The following CIT variants were observed in gnomAD, a reference collection of about 807,000 sequenced individuals.
CIT encodes citron Rho-interacting kinase.
CIT carries 79 observed loss-of-function variants against 272.7 expected under a neutral mutation model. The ratio of observed to expected loss-of-function variants is 0.29; its 90% CI spans 0.24 to 0.35. CIT has a LOEUF of 0.35. Ranked by LOEUF, CIT falls within the 10% of genes least tolerant of loss-of-function variation. CIT has a pLI of 1.00. For missense variants in CIT, 1,909 were observed against 2,618.3 expected (o/e 0.73, Z 5.91); for synonymous variants, 948 against 995.6 (o/e 0.95, Z 0.90).
intron 5 of CIT, among the ~76,000 whole-genome samples, chr12:119,836,277 C>T (rs145168415): frequency 0.016 from 1,679 of 107,312 alleles, 21 homozygotes; most frequent in Non-Finnish European, 0.016. Context: ...CAGAGCGAGA[C>T]TCCATCTAAA....
chr12:119,800,110 TG>T (rs1966064829), intron 10 of CIT, among the ~76,000 whole-genome samples: 1 of 152,142 alleles, frequency 6.6e-6, no homozygotes, highest in Non-Finnish European at 1.5e-5. Context: ...AACTTTAACA[TG>T]CTGTTTCCTG....
rs554466317 is a variant in CIT, at chr12:119,713,874, C to T, written c.4307-226G>A. On this transcript the variant is annotated intron_variant, in intron 33 of 47. Transcript: ENST00000392521. This position sits in a 1 kb window ranked among gnomAD's most constrained non-coding sequence, Gnocchi z 5.2. ...CAGTTTTCCAGGCTTCAATCCAGAC[C>T]GCCCACAAACAGGTGTGTAAAGAAC... The T allele has an allele frequency of 3.1e-5, 19 of 612,554 alleles. No homozygotes were observed. Among genetic ancestry groups the T allele is most frequent in the East Asian group, 3.0e-4 (11 of 36,226 alleles). 37.9% of individuals were successfully genotyped at this position (612,554 alleles called of 1,614,324 possible).
At chr12:119,862,942 C>T (rs1950401970) in intron 3 of CIT, among the ~76,000 whole-genome samples, 1 of 146,232 alleles carries the variant, frequency 6.8e-6, no homozygotes, top group Non-Finnish European at 1.5e-5. Flanking sequence ...TGACTCACAC[C>T]TGTAATCTCA....
intron 10 of CIT, among the ~76,000 whole-genome samples, chr12:119,785,952 T>C (rs1964753847): frequency 6.6e-6 from 1 of 152,132 alleles, no homozygotes; most frequent in African/African-American, 2.4e-5. Flanking sequence ...AAGTTTGTGG[T>C]CATTTGTTAC....
intron 22 of CIT, among the ~76,000 whole-genome samples, chr12:119,756,053 A>G (rs1461496541): frequency 6.6e-6 from 1 of 152,172 alleles, no homozygotes; most frequent in Admixed American, 6.5e-5. Context: ...AGGACCCTAT[A>G]AAGGAGATAC....
In CIT at chr12:119,775,853, C is replaced by G; in HGVS notation, c.1888-14G>C. 6.2e-7 allele frequency: 1 copy of G among 1,609,028 alleles called. No individual in the cohort carries two copies. The highest frequency in any genetic ancestry group is 8.5e-7 in the Non-Finnish European group (1 of 1,176,786). ...CTCAGCATTGATCTATAATTAAAATCCCAGGAAATAAAGCAAAAGGCAAAT... is the reference window on the plus strand; with the variant it reads ...CTCAGCATTGATCTATAATTAAAATGCCAGGAAATAAAGCAAAAGGCAAAT... On this transcript the variant is annotated splice_polypyrimidine_tract_variant and intron_variant, in intron 15 of 47. Transcript: ENST00000392521.
rs2285596 is a variant in CIT at position 119,761,120 on chromosome 12, G to A, written c.2305-65C>T. ...AAGCTGAGGAGGGAAGACTAAACGG[G>A]GACACTTGAGAAAATCTAGGAAAGA... On this transcript the variant is annotated intron_variant, in intron 19 of 47. Coordinates refer to ENST00000392521, the MANE Select transcript of CIT (RefSeq NM_001206999.2). 12 of 1,137,500 alleles carry A rather than the reference G, an allele frequency of 1.1e-5. No individual in the cohort carries two copies. In the South Asian group the frequency reaches 1.2e-4, roughly 12 times the overall value. The allele number at this position is 1,137,500 out of a possible 1,614,324, so 70.5% of individuals were successfully genotyped here. A position where few individuals can be genotyped will look rare whatever the true frequency, so the allele number is the denominator to read the frequency against.
intron 10 of CIT, among the ~76,000 whole-genome samples, chr12:119,789,401 T>C (rs975759103): frequency 3.9e-5 from 6 of 152,216 alleles, no homozygotes; most frequent in Non-Finnish European, 7.3e-5. Flanking sequence ...TGGTGGGCTA[T>C]GAATTTCAAA....
intron 5 of CIT, among the ~76,000 whole-genome samples, chr12:119,840,229 G>T (rs1969316800): frequency 1.3e-5 from 2 of 152,154 alleles, no homozygotes; most frequent in Admixed American, 6.5e-5. Flanking sequence ...GAGGTGGGAG[G>T]ACGGCTTGAG....
chr12:119,704,511 G>A, intron 40 of CIT, 56 bp from the exon 41 acceptor site: 1 of 1,469,380 alleles, frequency 6.8e-7, no homozygotes, highest in South Asian at 1.1e-5. Flanking sequence ...CCGGCTGTGG[G>A]GCAAAACTAG....
chr12:119,689,666 C>CTTCT (rs1955808058), intron 47 of CIT, among the ~76,000 whole-genome samples: 1 of 75,078 alleles, frequency 1.3e-5, no homozygotes, highest in South Asian at 6.8e-4. Context: ...TTAGGAAGCT[C>CTTCT]TTTTTTTTTT....
chr12:119,794,821 T>C (rs901142700), intron 10 of CIT, among the ~76,000 whole-genome samples: 3 of 152,164 alleles, frequency 2.0e-5, no homozygotes, highest in Non-Finnish European at 4.4e-5. Context: ...CATTAACAAA[T>C]ATGAAATGAA....
intron 40 of CIT, among the ~76,000 whole-genome samples, chr12:119,706,081 C>T (rs1385884486): frequency 7.0e-6 from 1 of 142,900 alleles, no homozygotes; most frequent in Admixed American, 6.9e-5. Context: ...CAGAGCAAGA[C>T]TCTGTGTCAA....
intron 12 of CIT, 184 bp from the exon 13 acceptor site, chr12:119,782,821 A>C (rs1353779930): frequency 6.7e-6 from 4 of 595,244 alleles, no homozygotes; most frequent in Non-Finnish European, 1.1e-5. Context: ...TTGGTTCAAG[A>C]AACATCATCT....
chr12:119,750,174 A>G lies in CIT; in HGVS notation c.2904+1876T>C, dbSNP rs140159840. On this transcript the variant is annotated intron_variant, in intron 23 of 47. Transcript: ENST00000392521. ...GTACAGGAGGAAAATATTAATATAC[A>G]TTGCGTTAAATATAATAGTGGTTGA... is the stretch of plus-strand genomic sequence containing the variant. Among the ~76,000 whole-genome samples, 309 of 152,320 alleles carry G rather than the reference A, an allele frequency of 2.0e-3. 1 individual carries two copies. The highest frequency in any genetic ancestry group is 6.9e-3 in the African/African-American group (286 of 41,554).
In CIT at chr12:119,712,101, G is replaced by T; in HGVS notation, c.4854+77C>A. ...TGAGGGGAATCAAAATGGCCAATGG[G>T]ATTCTCGTCGTTAACACCAGTTACC... is the stretch of plus-strand genomic sequence containing the variant. On this transcript the variant is annotated intron_variant, in intron 37 of 47. Coordinates refer to ENST00000392521, the MANE Select transcript of CIT (RefSeq NM_001206999.2). This position sits in a 1 kb window ranked among gnomAD's most constrained non-coding sequence, Gnocchi z 5.2. 1 of 1,397,914 alleles carries T rather than the reference G, an allele frequency of 7.2e-7. No individual in the cohort carries two copies. Among genetic ancestry groups the T allele is most frequent in the Non-Finnish European group, 9.8e-7 (1 of 1,023,982 alleles). 86.6% of individuals were successfully genotyped at this position (1,397,914 alleles called of 1,614,324 possible).
chr12:119,870,673 GC>G (rs1298580431), intron 2 of CIT, among the ~76,000 whole-genome samples: 1 of 151,310 alleles, frequency 6.6e-6, no homozygotes, highest in African/African-American at 2.4e-5. Context: ...ACCAAATCCA[GC>G]CCACGGACTT....
At chr12:119,708,358 C>A in intron 39 of CIT, 40 bp from the exon 40 acceptor site, 2 of 1,478,110 alleles carry the variant, frequency 1.4e-6, no homozygotes, top group South Asian at 1.5e-5. Flanking sequence ...AGTGTGAAGC[C>A]GTTAAGTAAA....
chr12:119,864,100 T>C (rs1249554450), intron 3 of CIT, among the ~76,000 whole-genome samples: 1 of 152,088 alleles, frequency 6.6e-6, no homozygotes, highest in Non-Finnish European at 1.5e-5. Context: ...ATATTTAACA[T>C]TGTATTGTGT....
Sources: allele counts gnomAD v4.1 joint callset (sites outside exome capture counted in the v4.1 genomes callset), GRCh38; gene constraint gnomAD v4.1.1; non-coding constraint Gnocchi (gnomAD v3.1); transcripts MANE v1.5; gene names NCBI Gene and HGNC (gene_info 2026-07-23, HGNC 2026-07-21).